Variants in KATNBL1 observed in about 807,000 individuals in gnomAD.
The protein encoded by KATNBL1 is katanin regulatory subunit B1 like 1, also known as KATNB1-like protein 1.
In KATNBL1, 28 loss-of-function variants were observed where a neutral mutation model predicts 44.7. The observed-to-expected ratio is 0.63, with a 90% CI of 0.46 to 0.86. The LOEUF is 0.86. Ranked by LOEUF, KATNBL1 falls within the 40% of genes least tolerant of loss-of-function variation. The pLI, the probability that KATNBL1 is intolerant of heterozygous loss-of-function variation, is 0.00. For missense variants in KATNBL1, 272 were observed against 350.7 expected (o/e 0.78, Z 1.79); for synonymous variants, 78 against 114.9 (o/e 0.68, Z 2.06).
chr15:34,206,804 A>C (rs936364717), intron 1 of KATNBL1, among the ~76,000 whole-genome samples: 1 of 151,954 alleles, frequency 6.6e-6, no homozygotes, highest in African/African-American at 2.4e-5. Flanking sequence ...AAAAAAAAAA[A>C]GAAAAGAAAA....
chr15:34,200,878 G>A (rs760912678), intron 1 of KATNBL1, among the ~76,000 whole-genome samples: 3 of 151,820 alleles, frequency 2.0e-5, no homozygotes, highest in Non-Finnish European at 2.9e-5. Flanking sequence ...GTGCAGTGGC[G>A]CCATCTCAGC....
At chr15:34,158,165 T>C (rs1888694091) in intron 2 of KATNBL1, among the ~76,000 whole-genome samples, 1 of 152,224 alleles carries the variant, frequency 6.6e-6, no homozygotes, top group Non-Finnish European at 1.5e-5. Context: ...TAACCTGTCA[T>C]GTCAAAGTGT....
intron 1 of KATNBL1, among the ~76,000 whole-genome samples, chr15:34,204,022 TAAAA>T (rs35383096): frequency 3.8e-5 from 5 of 130,662 alleles, no homozygotes; most frequent in Non-Finnish European, 8.2e-5. Flanking sequence ...AGAACTTAAT[TAAAA>T]AAAAAAAAAA....
rs1205760481 is a variant in KATNBL1 at position 34,174,949 on chromosome 15, T to C, written c.-14-11259A>G. On this transcript the variant is annotated intron_variant, in intron 1 of 9. Coordinates refer to ENST00000256544, the MANE Select transcript of KATNBL1 (RefSeq NM_024713.3). ...GAGCCACTGCGACTGGCCACAAATA[T>C]TAACTTTTAAAAAGCAGGCCAGGTT... 3.5e-5 allele frequency among the ~76,000 whole-genome samples: 5 copies of C among 143,812 alleles called. No homozygotes were observed. In the South Asian group the frequency reaches 9.2e-4, roughly 26 times the overall value. The allele number at this position is 143,812 out of a possible 152,430, so 94.3% of individuals were successfully genotyped here. A position where few individuals can be genotyped will look rare whatever the true frequency, so the allele number is the denominator to read the frequency against.
chr15:34,193,129 A>G (rs944513722), intron 1 of KATNBL1, among the ~76,000 whole-genome samples: 8 of 145,302 alleles, frequency 5.5e-5, no homozygotes, highest in African/African-American at 1.8e-4. Flanking sequence ...AGGCAGGAGA[A>G]TGGCGTCAAC....
chr15:34,191,342 G>A (rs917871141), intron 1 of KATNBL1, among the ~76,000 whole-genome samples: 3 of 151,816 alleles, frequency 2.0e-5, no homozygotes, highest in Admixed American at 6.6e-5. Context: ...TTCACCTACT[G>A]ATGGACATTT....
At chr15:34,159,584 CA>C (rs1015387790) in intron 2 of KATNBL1, among the ~76,000 whole-genome samples, 20 of 152,128 alleles carry the variant, frequency 1.3e-4, no homozygotes, top group Non-Finnish European at 2.8e-4. Flanking sequence ...TTTCTCTTTA[CA>C]TTTCCCTAGG....
Position 34,156,204 on chromosome 15 carries a change from C to T in KATNBL1, c.118-1520G>A, listed in dbSNP as rs1035959654. Among the ~76,000 whole-genome samples, 19 of 152,216 alleles carry T rather than the reference C, an allele frequency of 1.2e-4. 1 individual carries two copies. The highest frequency in any genetic ancestry group is 2.9e-5 in the Non-Finnish European group (2 of 68,044). On this transcript the variant is annotated intron_variant, in intron 2 of 9. Transcript: ENST00000256544. ...AGGTCTCTAAGGGATGCTAAGTTTC[C>T]TCTTTGTCGTGAGAGACACAAAATG...
chr15:34,163,769 A>C (rs1156353770), intron 1 of KATNBL1, 79 bp from the exon 2 acceptor site: 56 of 754,384 alleles, frequency 7.4e-5, no homozygotes, highest in Non-Finnish European at 1.7e-5. Context: ...AACATACAAC[A>C]GTAGCACAAT....
intron 1 of KATNBL1, among the ~76,000 whole-genome samples, chr15:34,196,101 G>GTA (rs1597462006): frequency 6.6e-6 from 1 of 152,154 alleles, no homozygotes; most frequent in East Asian, 1.9e-4. Context: ...TGTTACACAT[G>GTA]TATCTTAAAC....
chr15:34,193,040 A>AC (rs893230453), intron 1 of KATNBL1, among the ~76,000 whole-genome samples: 1 of 150,532 alleles, frequency 6.6e-6, no homozygotes, highest in Non-Finnish European at 1.5e-5. Flanking sequence ...ACACAGTGAA[A>AC]CCCCGCCTCT....
At chr15:34,199,426 G>A (rs1890111021) in intron 1 of KATNBL1, among the ~76,000 whole-genome samples, 1 of 152,210 alleles carries the variant, frequency 6.6e-6, no homozygotes, top group Non-Finnish European at 1.5e-5. Flanking sequence ...GACAGGGCAA[G>A]ACTCCCATCT....
intron 1 of KATNBL1, among the ~76,000 whole-genome samples, chr15:34,181,149 T>C (rs1210482535): frequency 1.3e-5 from 2 of 150,066 alleles, no homozygotes; most frequent in African/African-American, 4.9e-5. Flanking sequence ...CTGTAGATTT[T>C]AATGGATGCT....
At chr15:34,178,944 T>C (rs1379196099) in intron 1 of KATNBL1, among the ~76,000 whole-genome samples, 1 of 152,112 alleles carries the variant, frequency 6.6e-6, no homozygotes, top group Non-Finnish European at 1.5e-5. Context: ...GTAGTTATGT[T>C]TCAAAATGCA....
Position 34,141,595 on chromosome 15 carries a change from T to G in KATNBL1, c.*744A>C, listed in dbSNP as rs1002819088. The G allele has an allele frequency of 5.9e-5, 9 of 152,582 alleles. No homozygotes were observed. The highest frequency in any genetic ancestry group is 2.2e-4 in the African/African-American group (9 of 41,456). 9.5% of individuals were successfully genotyped at this position (152,582 alleles called of 1,614,324 possible). A position where few individuals can be genotyped will look rare whatever the true frequency, so the allele number is the denominator to read the frequency against. On this transcript the variant is annotated 3_prime_UTR_variant, in exon 10 of 10. Coordinates refer to ENST00000256544, the MANE Select transcript of KATNBL1 (RefSeq NM_024713.3). ...ACACATTCATACATGACATGATGAT[T>G]CTGGCAAAAAATATCAGAGATACTA... is the stretch of plus-strand genomic sequence containing the variant.
At chr15:34,196,894 A>G (rs1890043209) in intron 1 of KATNBL1, among the ~76,000 whole-genome samples, 1 of 152,232 alleles carries the variant, frequency 6.6e-6, no homozygotes, top group Non-Finnish European at 1.5e-5. Context: ...TCTACACCTT[A>G]TTTGATATAC....
chr15:34,172,405 C>T (rs1007162470), intron 1 of KATNBL1, among the ~76,000 whole-genome samples: 9 of 151,710 alleles, frequency 5.9e-5, no homozygotes, highest in Non-Finnish European at 1.2e-4. Flanking sequence ...TACGGGCTCC[C>T]GTCACCATGC....
chr15:34,149,316 A>G (rs1345996794), intron 4 of KATNBL1, among the ~76,000 whole-genome samples: 2 of 152,188 alleles, frequency 1.3e-5, no homozygotes, highest in Admixed American at 1.3e-4. Flanking sequence ...TTTCTAGACA[A>G]AGACAAATTA....
chr15:34,157,317 CT>C (rs943098612), intron 2 of KATNBL1, among the ~76,000 whole-genome samples: 2 of 152,088 alleles, frequency 1.3e-5, no homozygotes, highest in Non-Finnish European at 2.9e-5. Flanking sequence ...CTCTTTTGAC[CT>C]GGGTGTGATG....
Sources: gnomAD v4.1 joint callset for allele counts (sites outside exome capture counted in the v4.1 genomes callset) on GRCh38, gnomAD v4.1.1 for gene constraint, MANE v1.5 for transcripts, NCBI Gene and HGNC (gene_info 2026-07-23, HGNC 2026-07-21) for gene names.